The following FRMPD4 variants were observed in gnomAD, a reference collection of about 807,000 sequenced individuals.
The protein encoded by FRMPD4 is FERM and PDZ domain containing 4.
FRMPD4 carries 22 observed loss-of-function variants against 94.1 expected under a neutral mutation model. That is an observed-to-expected ratio of 0.23 (90% CI 0.17 to 0.33). The LOEUF is 0.33. Ranked by LOEUF, FRMPD4 falls within the 10% of genes least tolerant of loss-of-function variation. The pLI, the probability that FRMPD4 is intolerant of heterozygous loss-of-function variation, is 1.00. For missense variants in FRMPD4, 1,111 were observed against 1,339.9 expected, an observed-to-expected ratio of 0.83 and a Z score of 2.67; for synonymous variants, 631 against 548.6, an observed-to-expected ratio of 1.15 and a Z score of -2.10.
At chrX:11,825,749 T>G (rs1186405627) in intron 1 of FRMPD4, among the ~76,000 whole-genome samples, 1 of 112,104 alleles carries the variant, frequency 8.9e-6, no homozygotes, top group Non-Finnish European at 1.9e-5. Context: ...AATTTCCTCA[T>G]TTTGACAATG....
At position 12,691,452 on chromosome X, in the gene FRMPD4, T is replaced by C. The variant is rs191922165; in HGVS notation, c.813+1126T>C. Among the ~76,000 whole-genome samples, 3 of 111,029 alleles carry C rather than the reference T, an allele frequency of 2.7e-5. No homozygotes were observed. In the East Asian group the frequency reaches 8.5e-4, roughly 31 times the overall value. On this transcript the variant is annotated intron_variant, in intron 8 of 16. Coordinates refer to ENST00000675598, the MANE Select transcript of FRMPD4 (RefSeq NM_001368397.1). ...AATGAGCCCCCATGCCTGGCCTCTATTGAGTCTAAATCTACCTATAGATAT... is the reference window on the plus strand; with the variant it reads ...AATGAGCCCCCATGCCTGGCCTCTACTGAGTCTAAATCTACCTATAGATAT...
rs149743821 is a variant in FRMPD4 at position 11,860,155 on chromosome X, C to T, written c.-160-4931C>T. On this transcript the variant is annotated intron_variant, in intron 1 of 18. Coordinates refer to the FRMPD4 transcript ENST00000640291. ...AGCAGCTCAAATATACAGTAATAGG[C>T]ATATATTTAGAAAAGAATCACTTAT... Among the ~76,000 whole-genome samples, 810 of 112,488 alleles carry T rather than the reference C, an allele frequency of 7.2e-3. 12 individuals are homozygous for T. The highest frequency in any genetic ancestry group is 0.025 in the African/African-American group (761 of 31,043).
chrX:12,205,040 C>T (rs1337112269), intron 1 of FRMPD4, among the ~76,000 whole-genome samples: 1 of 107,822 alleles, frequency 9.3e-6, no homozygotes, highest in Non-Finnish European at 1.9e-5. Context: ...AGCAAGGTCC[C>T]AGTAGTGCTC....
intron 1 of FRMPD4, among the ~76,000 whole-genome samples, chrX:12,384,310 G>A (rs988102902): frequency 2.7e-5 from 3 of 111,779 alleles, no homozygotes; most frequent in Non-Finnish European, 5.6e-5. Flanking sequence ...GAGCCCAGGA[G>A]TTCAAGACCA....
chrX:12,380,242 T>C (rs1049046757), intron 1 of FRMPD4, among the ~76,000 whole-genome samples: 1 of 112,132 alleles, frequency 8.9e-6, no homozygotes, highest in Non-Finnish European at 1.9e-5. Context: ...AAGGTATAAA[T>C]ATGCAGTTGA....
chrX:12,367,810 A>G (rs139806650), intron 1 of FRMPD4, among the ~76,000 whole-genome samples: 2,255 of 111,859 alleles, frequency 0.02, 63 homozygotes, highest in African/African-American at 0.069. Context: ...GGGATTTATC[A>G]TGTTACTTAA....
chrX:12,618,179 A>C (rs2059252786), intron 4 of FRMPD4, among the ~76,000 whole-genome samples: 1 of 111,894 alleles, frequency 8.9e-6, no homozygotes, highest in Non-Finnish European at 1.9e-5. Flanking sequence ...AATTAGACTA[A>C]TTAACTGAAA....
intron 1 of FRMPD4, among the ~76,000 whole-genome samples, chrX:12,141,310 G>T (rs1054863594): frequency 1.8e-5 from 2 of 111,473 alleles, no homozygotes; most frequent in African/African-American, 6.5e-5. Context: ...CTGGGTACCT[G>T]GCCTTACCTT....
chrX:12,296,827 G>T (rs1357017979), intron 1 of FRMPD4, among the ~76,000 whole-genome samples: 1 of 112,177 alleles, frequency 8.9e-6, no homozygotes, highest in African/African-American at 3.2e-5. Flanking sequence ...GTGGAAGAAG[G>T]CTGGGATGGG....
intron 3 of FRMPD4, among the ~76,000 whole-genome samples, chrX:11,982,799 A>G (rs771542384): frequency 8.9e-6 from 1 of 111,888 alleles, no homozygotes; most frequent in Admixed American, 9.5e-5. Flanking sequence ...TCTCCTACCA[A>G]TACCTTCAAG....
intron 1 of FRMPD4, among the ~76,000 whole-genome samples, chrX:12,258,221 A>G (rs1400895176): frequency 9.0e-6 from 1 of 111,442 alleles, no homozygotes; most frequent in East Asian, 2.8e-4. Context: ...TGTCTTGGAA[A>G]TTTAACTCCC....
chrX:12,093,835 G>C (rs1362922896), intron 3 of FRMPD4, among the ~76,000 whole-genome samples: 1 of 109,429 alleles, frequency 9.1e-6, no homozygotes, highest in African/African-American at 3.3e-5. Context: ...CAGCTCTCCT[G>C]CCTCATCTGT....
chrX:12,369,349 CG>C (rs2056131086), intron 1 of FRMPD4, among the ~76,000 whole-genome samples: 1 of 109,550 alleles, frequency 9.1e-6, no homozygotes, highest in African/African-American at 3.3e-5. Context: ...TGTGTTAGAG[CG>C]TGGGTTATAT....
rs1017723007 is a variant in FRMPD4 at position 12,520,410 on chromosome X, C to G, written c.158+21614C>G. On this transcript the variant is annotated intron_variant, in intron 2 of 16. Coordinates refer to ENST00000675598, the MANE Select transcript of FRMPD4 (RefSeq NM_001368397.1). Reference sequence around the variant, plus strand: ...TAATGGGTATAAACTTTCACTTTTGCAAAGTGAAAAAGTTCTGGAGATCTG... The same window carrying G: ...TAATGGGTATAAACTTTCACTTTTGGAAAGTGAAAAAGTTCTGGAGATCTG... 3.6e-5 allele frequency among the ~76,000 whole-genome samples: 4 copies of G among 111,662 alleles called. No individual in the cohort carries two copies. In the South Asian group the frequency reaches 1.5e-3, roughly 42 times the overall value.
chrX:12,644,395 A>G (rs1184708738), intron 4 of FRMPD4, among the ~76,000 whole-genome samples: 1 of 112,065 alleles, frequency 8.9e-6, no homozygotes, highest in Non-Finnish European at 1.9e-5. Flanking sequence ...TTAGGGACAT[A>G]CAATATAGGG....
chrX:12,600,726 C>T (rs1310121494), intron 2 of FRMPD4, among the ~76,000 whole-genome samples: 1 of 112,082 alleles, frequency 8.9e-6, no homozygotes, highest in Admixed American at 9.5e-5. Context: ...TAAAGTACTT[C>T]AATTACCCTG....
chrX:12,571,360 T>C (rs1269350962), intron 2 of FRMPD4, among the ~76,000 whole-genome samples: 4 of 112,849 alleles, frequency 3.5e-5, no homozygotes, highest in African/African-American at 1.3e-4. Context: ...TGTACTTTTT[T>C]GTTAACTGTG....
In FRMPD4 at chrX:12,197,104, T is replaced by C. The variant is rs188949887; in HGVS notation, c.41+58092T>C. Among the ~76,000 whole-genome samples, 4 of 111,657 alleles carry C rather than the reference T, an allele frequency of 3.6e-5. No individual in the cohort carries two copies. The South Asian group carries it at 1.5e-3, about 42-fold the overall frequency. Reference sequence around the variant, plus strand: ...AAATATAAATATATGTATTTATGTGTTTTTTAAGTTAAAAATTAGTATTGA... The same window carrying C: ...AAATATAAATATATGTATTTATGTGCTTTTTAAGTTAAAAATTAGTATTGA... On this transcript the variant is annotated intron_variant, in intron 1 of 16. Coordinates refer to ENST00000675598, the MANE Select transcript of FRMPD4 (RefSeq NM_001368397.1).
chrX:12,416,016 T>C (rs996612365), intron 1 of FRMPD4, among the ~76,000 whole-genome samples: 1 of 112,102 alleles, frequency 8.9e-6, no homozygotes, highest in Non-Finnish European at 1.9e-5. Flanking sequence ...AACTAGTCCG[T>C]CTCCTGCAAA....
Sources: gnomAD v4.1 joint callset for allele counts (sites outside exome capture counted in the v4.1 genomes callset) on GRCh38, gnomAD v4.1.1 for gene constraint, MANE v1.5 for transcripts, NCBI Gene and HGNC (gene_info 2026-07-23, HGNC 2026-07-21) for gene names.